Variants in ACOX1 observed in about 807,000 individuals in gnomAD.
ACOX1 encodes the protein peroxisomal acyl-coenzyme A oxidase 1.
In ACOX1, 41 loss-of-function variants were observed where a neutral mutation model predicts 75.5. The observed-to-expected ratio is 0.54, with a 90% confidence interval of 0.42 to 0.70. The LOEUF (loss-of-function observed/expected upper bound fraction) is 0.70. Among genes scored for constraint, ACOX1 ranks in the 30% least tolerant of loss-of-function variants. The pLI is 0.00. For missense variants in ACOX1, 630 were observed against 837.5 expected, an observed-to-expected ratio of 0.75 and a Z score of 3.06; for synonymous variants, 303 against 298.8, an observed-to-expected ratio of 1.01 and a Z score of -0.15.
chr17:75,978,567 A>G lies in ACOX1; in HGVS notation c.236T>C (p.Ile79Thr). ...CCACATAATTTCATCAGGGTCAGCG[A>G]TGCCAAACTCCCTCATCTTCTTCAC... is the stretch of plus-strand genomic sequence containing the variant. ...IMVKKMREFG[I>T]ADPDEIMWFK... Residue 79 changes from isoleucine (I) to threonine (T), a missense_variant, in exon 2 of 14, where the codon ATC (isoleucine) becomes ACC (threonine). Coordinates refer to ENST00000293217, the MANE Select transcript of ACOX1 (RefSeq NM_004035.7). The surrounding 1 kb of genome is among the most constrained non-coding windows in gnomAD (Gnocchi z 4.2). 1 of 1,614,202 alleles carries G rather than the reference A, an allele frequency of 6.2e-7. No homozygotes were observed. The highest frequency in any genetic ancestry group is 1.1e-5 in the South Asian group (1 of 91,082).
At chr17:75,966,438 C>T (rs2065933182) in intron 2 of ACOX1, among the ~76,000 whole-genome samples, 1 of 150,940 alleles carries the variant, frequency 6.6e-6, no homozygotes, top group African/African-American at 2.4e-5. Context: ...GCCTGGGCAA[C>T]AGAGCAAGAC....
rs2065703758 is a variant in ACOX1, at chr17:75,944,673, C to A, written c.*2075G>T. On this transcript the variant is annotated 3_prime_UTR_variant, in exon 14 of 14. Transcript: ENST00000293217. ...CAGTGACGTTTACTCTATCTTTATT[C>A]TTGATTATATTGAATAAAGTTCAAG... 6.6e-6 allele frequency: 1 copy of A among 152,102 alleles called. No homozygotes were observed. Among genetic ancestry groups the A allele is most frequent in the South Asian group, 2.1e-4 (1 of 4,832 alleles). 9.4% of individuals were successfully genotyped at this position (152,102 alleles called of 1,614,324 possible).
chr17:75,955,711 T>A, intron 5 of ACOX1, 30 bp from the exon 6 acceptor site: 1 of 1,611,906 alleles, frequency 6.2e-7, no homozygotes, highest in Non-Finnish European at 8.5e-7. Flanking sequence ...AGTCACGAGA[T>A]GTTTATGCTC....
In ACOX1 at chr17:75,944,981, G is replaced by C. The variant is rs1306746303; in HGVS notation, c.*1767C>G. 1 of 152,076 alleles carries C rather than the reference G, an allele frequency of 6.6e-6. No individual in the cohort carries two copies. The highest frequency in any genetic ancestry group is 2.4e-5 in the African/African-American group (1 of 41,412). 9.4% of individuals were successfully genotyped at this position (152,076 alleles called of 1,614,324 possible). On this transcript the variant is annotated 3_prime_UTR_variant, in exon 14 of 14. Transcript: ENST00000293217. ...GGATGGTCTCAAACTCCTGACCTCAGGTGATCCACCCGCTTCGGCCTCCCA... is the reference window on the plus strand; with the variant it reads ...GGATGGTCTCAAACTCCTGACCTCACGTGATCCACCCGCTTCGGCCTCCCA...
chr17:75,958,181 G>A (rs1286066733), intron 3 of ACOX1, among the ~76,000 whole-genome samples: 3 of 143,948 alleles, frequency 2.1e-5, no homozygotes, highest in Non-Finnish European at 3.0e-5. Flanking sequence ...GGTGAAACCC[G>A]TCTCTACTAA....
At chr17:75,968,848 G>A (rs781331724) in intron 2 of ACOX1, among the ~76,000 whole-genome samples, 2 of 151,590 alleles carry the variant, frequency 1.3e-5, no homozygotes, top group East Asian at 3.9e-4. Flanking sequence ...CTTGAATGCG[G>A]GAGGCGGAAG....
intron 2 of ACOX1, among the ~76,000 whole-genome samples, chr17:75,963,805 C>A (rs1416719412): frequency 1.3e-5 from 2 of 151,752 alleles, no homozygotes; most frequent in Non-Finnish European, 2.9e-5. Context: ...GGTGTCACCA[C>A]TGGTAGAGAC....
intron 8 of ACOX1, 77 bp downstream of exon 8, chr17:75,951,338 A>T: frequency 1.3e-6 from 2 of 1,549,784 alleles, no homozygotes; most frequent in Non-Finnish European, 1.8e-6. Flanking sequence ...ACCAACATTT[A>T]GTTATCTCTG....
At position 75,979,024 on chromosome 17, in the gene ACOX1, T is replaced by A. The variant is rs1385385801; in HGVS notation, c.50A>T (p.Glu17Val). Residue 17 changes from glutamate (E) to valine (V), a missense_variant, in exon 1 of 14, where the codon GAG (glutamate) becomes GTG (valine). Coordinates refer to ENST00000293217, the MANE Select transcript of ACOX1 (RefSeq NM_004035.7). ...RERDSASFNP[E>V]LLTHILDGSP... is the part of the protein sequence containing the mutation. ...GCCGTCCAGGATGTGTGTAAGCAGC[T>A]CCGGGTTGAAGCTGGCGGAATCCCG... is the stretch of plus-strand genomic sequence containing the variant. The A allele has an allele frequency of 4.3e-6, 7 of 1,612,270 alleles. No homozygotes were observed. The highest frequency in any genetic ancestry group is 5.9e-6 in the Non-Finnish European group (7 of 1,180,004).
At chr17:75,956,920 T>C (rs1330230093) in intron 4 of ACOX1, among the ~76,000 whole-genome samples, 49 of 38,966 alleles carry the variant, frequency 1.3e-3, no homozygotes, top group Admixed American at 2.3e-3. Context: ...CCTCTCTCTC[T>C]CTCTCTCTCT....
At chr17:75,956,957 CTCTCTCTCTCTCTCTATATA>C (rs1209504068) in intron 4 of ACOX1, among the ~76,000 whole-genome samples, 44 of 28,448 alleles carry the variant, frequency 1.5e-3, no homozygotes, top group African/African-American at 7.7e-3. Context: ...CTCTCTCTCT[CTCTCTCTCTCTCTCTATATA>C]TATATATATA....
At chr17:75,958,804 T>G (rs1487051828) in intron 3 of ACOX1, among the ~76,000 whole-genome samples, 1 of 119,660 alleles carries the variant, frequency 8.4e-6, no homozygotes, top group Non-Finnish European at 1.6e-5. Flanking sequence ...CACGACTCCG[T>G]CTCAAAAAAA....
chr17:75,978,863 G>A lies in ACOX1; in HGVS notation c.109+102C>T. The A allele has an allele frequency of 6.3e-7, 1 of 1,598,376 alleles. No individual in the cohort carries two copies. Among genetic ancestry groups the A allele is most frequent in the South Asian group, 1.1e-5 (1 of 90,822 alleles). On this transcript the variant is annotated intron_variant, in intron 1 of 13. Coordinates refer to ENST00000293217, the MANE Select transcript of ACOX1 (RefSeq NM_004035.7). The surrounding 1 kb of genome is among the most constrained non-coding windows in gnomAD (Gnocchi z 4.2). The stretch of plus-strand genomic sequence containing the variant: ...AAGTGGGGGTCCCGGCTCCCCTAAC[G>A]CTGGGCCAGAGGGCCTAGGCCCCAC...
At chr17:75,961,709 G>A (rs1325106423) in intron 2 of ACOX1, among the ~76,000 whole-genome samples, 3 of 141,838 alleles carry the variant, frequency 2.1e-5, no homozygotes, top group Admixed American at 7.4e-5. Context: ...GCAGTGAGCC[G>A]AGATCACACC....
chr17:75,953,503 T>G lies in ACOX1; in HGVS notation c.892A>C (p.Thr298Pro), dbSNP rs751731911. ...EAARALSKACTIAIRYSAVRH... is the reference protein window; with the variant it reads ...EAARALSKACPIAIRYSAVRH... ...ACAGCGCTGTATCGGATGGCAATGG[T>G]GCACGCCTTAGACAGAGCCCGAGCA... The change falls in exon 7 of 14, where the codon ACC becomes CCC. Residue 298 changes from threonine to proline, a missense_variant. Thr to Pro is a conservative substitution (Grantham distance 38). Transcript: ENST00000293217. The G allele has an allele frequency of 6.2e-7, 1 of 1,614,134 alleles. No individual in the cohort carries two copies. The highest frequency in any genetic ancestry group is 8.5e-7 in the Non-Finnish European group (1 of 1,180,004).
At chr17:75,973,665 G>C in intron 2 of ACOX1, 1 of 1,614,190 alleles carries the variant, frequency 6.2e-7, no homozygotes, top group South Asian at 1.1e-5. Flanking sequence ...CAATTATCTG[G>C]AGTCCTTTGG....
At position 75,957,552 on chromosome 17, in the gene ACOX1, C is replaced by T; in HGVS notation, c.445G>A (p.Gly149Ser). ...TCATACGTGGCTGTGGTTTCCAAGC[C>T]TCGAAGGTGAGTTCCTAAGGAGATA... ...TEMGHGTHLR[G>S]LETTATYDPE... Residue 149 changes from glycine (G) to serine (S), a missense_variant, in exon 4 of 14, where the codon GGC becomes AGC. Physicochemically the swap from Gly to Ser is moderately conservative, Grantham distance 56. This residue lies in a region of ACOX1 where 390 missense variants were observed against 574.9 expected (regional missense o/e 0.68). Coordinates refer to ENST00000293217, the MANE Select transcript of ACOX1 (RefSeq NM_004035.7). 6.2e-7 allele frequency: 1 copy of T among 1,613,902 alleles called. No individual in the cohort carries two copies. The highest frequency in any genetic ancestry group is 8.5e-7 in the Non-Finnish European group (1 of 1,179,898).
intron 13 of ACOX1, 75 bp from the exon 14 acceptor site, chr17:75,946,870 G>C: frequency 7.1e-7 from 1 of 1,413,766 alleles, no homozygotes; most frequent in Non-Finnish European, 9.8e-7. Context: ...TTTTGTTTTT[G>C]TTTTTGTTTT....
chr17:75,968,489 C>T (rs915445064), intron 2 of ACOX1, among the ~76,000 whole-genome samples: 1 of 144,366 alleles, frequency 6.9e-6, no homozygotes, highest in Non-Finnish European at 1.5e-5. Context: ...GCCAGTAGTA[C>T]CAGCTACTCA....
Sources: gnomAD v4.1 joint callset for allele counts (sites outside exome capture counted in the v4.1 genomes callset) on GRCh38, gnomAD v4.1.1 for gene constraint, gnomAD v4.1.1 regional missense constraint, Gnocchi (gnomAD v3.1) non-coding constraint, MANE v1.5 for transcripts, NCBI Gene and HGNC (gene_info 2026-07-23, HGNC 2026-07-21) for gene names.